Variants in KIF13A observed in about 807,000 individuals in gnomAD.
KIF13A encodes the protein kinesin family member 13A, also known as kinesin-like protein KIF13A.
KIF13A carries 79 observed loss-of-function variants against 212.2 expected under a neutral mutation model. The observed-to-expected ratio is 0.37, with a 90% CI of 0.31 to 0.45. KIF13A has a LOEUF of 0.45. Ranked by LOEUF, KIF13A falls within the 20% of genes least tolerant of loss-of-function variation. KIF13A has a pLI of 1.00. For missense variants in KIF13A, 1,901 were observed against 2,209.0 expected (o/e 0.86, Z 2.79); for synonymous variants, 789 against 808.6 (o/e 0.98, Z 0.41).
rs1581752338 is a variant in KIF13A at position 17,926,434 on chromosome 6, T to C, written c.147-28254A>G. 6.6e-6 allele frequency among the ~76,000 whole-genome samples: 1 copy of C among 152,154 alleles called. No individual in the cohort carries two copies. Among genetic ancestry groups the C allele is most frequent in the Admixed American group, 6.5e-5 (1 of 15,280 alleles). On this transcript the variant is annotated intron_variant, in intron 2 of 38. Transcript: ENST00000259711. This position sits in a 1 kb window ranked among gnomAD's most constrained non-coding sequence, Gnocchi z 4.3. ...TTTTAGTAGAGATGGTGTTTTGCCA[T>C]GTTGGCCAGGCTGGTCTTGAACTCC...
At chr6:17,805,725 T>C in intron 18 of KIF13A, 110 bp from the exon 19 acceptor site, 1 of 936,878 alleles carries the variant, frequency 1.1e-6, no homozygotes, top group Non-Finnish European at 1.6e-6. Flanking sequence ...CATAAATGCA[T>C]ACAAAAGAAG....
rs1312450393 is a variant in KIF13A at position 17,773,139 on chromosome 6, C to T, written c.4324+339G>A. 2.0e-5 allele frequency among the ~76,000 whole-genome samples: 3 copies of T among 152,070 alleles called. No individual in the cohort carries two copies. Among genetic ancestry groups the T allele is most frequent in the Non-Finnish European group, 4.4e-5 (3 of 68,016 alleles). The stretch of plus-strand genomic sequence containing the variant: ...TCTTTTAAAAATTCCTTTGAGTACA[C>T]AAATATGACAGAGCTGGATATTCTG... On this transcript the variant is annotated intron_variant, in intron 36 of 38. Transcript: ENST00000259711. The surrounding 1 kb of genome is among the most constrained non-coding windows in gnomAD (Gnocchi z 4.2).
rs201227106 is a variant in KIF13A, at chr6:17,805,554, A to G, written c.2225T>C (p.Val742Ala). ...ATTCTCCAGCTTCTCAATGGTCCACACTTGGGTGCTCTTTCCTTTCCTCCT... is the reference window on the plus strand; with the variant it reads ...ATTCTCCAGCTTCTCAATGGTCCACGCTTGGGTGCTCTTTCCTTTCCTCCT... ...QVRRKGKSTQVWTIEKLENKL... is the reference protein window; with the variant it reads ...QVRRKGKSTQAWTIEKLENKL... Residue 742 changes from valine to alanine, a missense_variant, in exon 19 of 39, where the codon GTG (valine) becomes GCG (alanine). Transcript: ENST00000259711. 2.5e-6 allele frequency: 4 copies of G among 1,613,602 alleles called. 1 individual carries two copies. Among genetic ancestry groups the G allele is most frequent in the South Asian group, 2.2e-5 (2 of 91,056 alleles).
In KIF13A at chr6:17,781,408, C is replaced by T. The variant is rs376908765; in HGVS notation, c.3545-107G>A. ...TTACAGTTGAAGTTTACACATAACA[C>T]ATTTTTCTTTTTTCTTTCATTCCTT... is the stretch of plus-strand genomic sequence containing the variant. On this transcript the variant is annotated intron_variant, in intron 29 of 38. Transcript: ENST00000259711. 92 of 1,207,718 alleles carry T rather than the reference C, an allele frequency of 7.6e-5. No homozygotes were observed. The East Asian group carries it at 1.4e-3, about 19-fold the overall frequency. The allele number at this position is 1,207,718 out of a possible 1,614,324, so 74.8% of individuals were successfully genotyped here.
At chr6:17,972,934 C>G (rs1346009589) in intron 2 of KIF13A, among the ~76,000 whole-genome samples, 3 of 151,814 alleles carry the variant, frequency 2.0e-5, no homozygotes, top group Non-Finnish European at 4.4e-5. Context: ...GCCAGTTCAT[C>G]AAGCCCACAG....
rs1189719483 is a variant in KIF13A at position 17,915,813 on chromosome 6, T to C, written c.147-17633A>G. Among the ~76,000 whole-genome samples, 1 of 151,722 alleles carries C rather than the reference T, an allele frequency of 6.6e-6. No homozygotes were observed. Among genetic ancestry groups the C allele is most frequent in the Admixed American group, 6.6e-5 (1 of 15,224 alleles). ...ACCGTCTCTACTAAAAAGACAAAAA[T>C]TAGCTGGGTGTGGTAGCAAGAGCCT... On this transcript the variant is annotated intron_variant, in intron 2 of 38. Transcript: ENST00000259711. This position sits in a 1 kb window ranked among gnomAD's most constrained non-coding sequence, Gnocchi z 4.4.
At chr6:17,955,317 TATAACA>T (rs137863506) in intron 2 of KIF13A, among the ~76,000 whole-genome samples, 33,228 of 151,676 alleles carry the variant, frequency 0.22, 4,128 homozygotes, top group African/African-American at 0.35. Flanking sequence ...TTGATTTAAA[TATAACA>T]ATAACAATAA....
chr6:17,769,626 G>A lies in KIF13A; in HGVS notation c.4581+1488C>T, dbSNP rs1759315108. ...CACCCCAGAAGGGTCATCCAGCAGT[G>A]TCTTGATGGTGTTGTACCAAAATGT... On this transcript the variant is annotated intron_variant, in intron 38 of 38. Coordinates refer to ENST00000259711, the MANE Select transcript of KIF13A (RefSeq NM_022113.6). This position sits in a 1 kb window ranked among gnomAD's most constrained non-coding sequence, Gnocchi z 5.8. 6.6e-6 allele frequency among the ~76,000 whole-genome samples: 1 copy of A among 152,204 alleles called. No homozygotes were observed. Among genetic ancestry groups the A allele is most frequent in the African/African-American group, 2.4e-5 (1 of 41,450 alleles).
chr6:17,923,642 C>T, intron 2 of KIF13A, among the ~76,000 whole-genome samples: 1 of 151,970 alleles, frequency 6.6e-6, no homozygotes, highest in Non-Finnish European at 1.5e-5. Flanking sequence ...AAGAAACATA[C>T]ATTTTCAAAT....
intron 2 of KIF13A, among the ~76,000 whole-genome samples, chr6:17,905,292 A>T (rs1773398328): frequency 6.6e-6 from 1 of 152,184 alleles, no homozygotes. Flanking sequence ...TTGAGTACTA[A>T]CTCCCACAAT....
chr6:17,789,222 T>C lies in KIF13A; in HGVS notation c.3261+650A>G, dbSNP rs1761326548. On this transcript the variant is annotated intron_variant, in intron 26 of 38. Transcript: ENST00000259711. This position sits in a 1 kb window ranked among gnomAD's most constrained non-coding sequence, Gnocchi z 4.8. ...ACTAGGTACAATCTCAATTTGCACA[T>C]CTATATATTTTTTCTAGATTCCCAA... is the stretch of plus-strand genomic sequence containing the variant. Among the ~76,000 whole-genome samples the C allele has an allele frequency of 6.6e-6, 1 of 152,200 alleles. No individual in the cohort carries two copies. The highest frequency in any genetic ancestry group is 1.5e-5 in the Non-Finnish European group (1 of 68,032).
chr6:17,966,658 T>C (rs1779343276), intron 2 of KIF13A, among the ~76,000 whole-genome samples: 1 of 152,172 alleles, frequency 6.6e-6, no homozygotes, highest in South Asian at 2.1e-4. Flanking sequence ...ATGGATTCAC[T>C]TGACCACATC....
intron 2 of KIF13A, among the ~76,000 whole-genome samples, chr6:17,953,256 A>G (rs1778036609): frequency 6.6e-6 from 1 of 152,110 alleles, no homozygotes; most frequent in African/African-American, 2.4e-5. Context: ...GATATTATTT[A>G]TGCAAAACAT....
intron 2 of KIF13A, among the ~76,000 whole-genome samples, chr6:17,922,449 G>T (rs1017773934): frequency 6.6e-6 from 1 of 152,060 alleles, no homozygotes; most frequent in Non-Finnish European, 1.5e-5. Flanking sequence ...ATTAACCACA[G>T]TTTCACACAT....
chr6:17,896,949 G>A (rs889654480), intron 3 of KIF13A, among the ~76,000 whole-genome samples: 1 of 152,196 alleles, frequency 6.6e-6, no homozygotes, highest in Non-Finnish European at 1.5e-5. Flanking sequence ...CATTCCAGTA[G>A]AGACCAGTTT....
In KIF13A at chr6:17,828,241, T is replaced by C. The variant is rs759518782; in HGVS notation, c.1531A>G (p.Arg511Gly). Residue 511 changes from arginine (R) to glycine (G), a missense_variant and splice_region_variant, in exon 14 of 39, where the codon AGG becomes GGG. By Grantham distance (125) the Arg-to-Gly change is moderately radical. Around this residue, in one of 5 missense-constraint regions of KIF13A, gnomAD observed 506 missense variants for 637.4 expected, o/e 0.79. Transcript: ENST00000259711. The surrounding 1 kb of genome is among the most constrained non-coding windows in gnomAD (Gnocchi z 4.3). ...GAAGTCACCATTTACTTTTCTTACC[T>C]TGCATTTTCTTTTGGAGTGAGAGTG... ...DVTLTPKENA[R>G]SCVNGTLVCS... 3.7e-6 allele frequency: 6 copies of C among 1,609,492 alleles called. No individual in the cohort carries two copies. The highest frequency in any genetic ancestry group is 5.1e-6 in the Non-Finnish European group (6 of 1,177,798).
In KIF13A at chr6:17,951,089, A is replaced by G. The variant is rs2150570325; in HGVS notation, c.146+35965T>C. 5 of 1,118,996 alleles carry G rather than the reference A, an allele frequency of 4.5e-6. No individual in the cohort carries two copies. Among genetic ancestry groups the G allele is most frequent in the East Asian group, 5.1e-5 (1 of 19,420 alleles). 69.3% of individuals were successfully genotyped at this position (1,118,996 alleles called of 1,614,324 possible). ...ACCTAAGGAATTGTACTTATTATAT[A>G]TAACACTTTGCCAACCATCCATTTA... On this transcript the variant is annotated intron_variant, in intron 2 of 38. Coordinates refer to ENST00000259711, the MANE Select transcript of KIF13A (RefSeq NM_022113.6). The surrounding 1 kb of genome is among the most constrained non-coding windows in gnomAD (Gnocchi z 4.9).
Position 17,843,269 on chromosome 6 carries a change from G to T in KIF13A, c.831-5686C>A, listed in dbSNP as rs745194. Among the ~76,000 whole-genome samples, 6,641 of 152,228 alleles carry T rather than the reference G, an allele frequency of 0.044. 366 individuals are homozygous for T. The highest frequency in any genetic ancestry group is 0.12 in the African/African-American group (5,184 of 41,514). ...TCTGTTTAAAAAGGACTAATTCAATGATGGTTTTGGGATACATCGAGTGCT... is the reference window on the plus strand; with the variant it reads ...TCTGTTTAAAAAGGACTAATTCAATTATGGTTTTGGGATACATCGAGTGCT... On this transcript the variant is annotated intron_variant, in intron 9 of 38. Coordinates refer to ENST00000259711, the MANE Select transcript of KIF13A (RefSeq NM_022113.6). This position sits in a 1 kb window ranked among gnomAD's most constrained non-coding sequence, Gnocchi z 5.3.
intron 2 of KIF13A, among the ~76,000 whole-genome samples, chr6:17,910,573 TA>T (rs139159852): frequency 0.11 from 16,379 of 152,274 alleles, 1,177 homozygotes; most frequent in African/African-American, 0.18. Flanking sequence ...CAATTTTTTT[TA>T]AAATTAACTG....
Sources: allele counts gnomAD v4.1 joint callset (sites outside exome capture counted in the v4.1 genomes callset), GRCh38; gene constraint gnomAD v4.1.1; regional missense constraint gnomAD v4.1.1; non-coding constraint Gnocchi (gnomAD v3.1); transcripts MANE v1.5; gene names NCBI Gene and HGNC (gene_info 2026-07-23, HGNC 2026-07-21).